The following PLAA variants were observed in gnomAD, a reference collection of about 807,000 sequenced individuals.
PLAA encodes phospholipase A-2-activating protein.
In PLAA, 48 loss-of-function variants were observed where a neutral mutation model predicts 84.1. The observed-to-expected ratio is 0.57, with a 90% CI of 0.45 to 0.73. The LOEUF is 0.73. PLAA is among the 30% of genes least tolerant of loss of function. The pLI is 0.00. For missense variants in PLAA, 903 were observed against 954.7 expected, an observed-to-expected ratio of 0.95 and a Z score of 0.71; for synonymous variants, 392 against 336.6, an observed-to-expected ratio of 1.16 and a Z score of -1.80.
chr9:26,942,500 C>G (rs1043189052), intron 1 of PLAA, among the ~76,000 whole-genome samples: 4 of 152,040 alleles, frequency 2.6e-5, no homozygotes, highest in Non-Finnish European at 5.9e-5. Context: ...AAATGAAAAC[C>G]AAAATAAAAC....
chr9:26,937,511 C>T (rs936891208), intron 1 of PLAA, among the ~76,000 whole-genome samples: 2 of 152,066 alleles, frequency 1.3e-5, no homozygotes, highest in African/African-American at 2.4e-5. Context: ...TACAAATAAA[C>T]AGAAAAGTAT....
chr9:26,942,877 CA>C (rs34134451), intron 1 of PLAA, among the ~76,000 whole-genome samples: 1,430 of 51,276 alleles, frequency 0.028, 5 homozygotes, highest in Admixed American at 0.045. Flanking sequence ...AGACTCGTCT[CA>C]AAAAAAAAAA....
intron 10 of PLAA, chr9:26,916,662 G>C (rs1241164652): frequency 1.0e-6 from 1 of 991,670 alleles, no homozygotes; most frequent in African/African-American, 1.7e-5. Context: ...TCTCGCCAGT[G>C]ATAGCACTCA....
At chr9:26,935,701 A>G (rs1177555487) in intron 1 of PLAA, among the ~76,000 whole-genome samples, 2 of 152,130 alleles carry the variant, frequency 1.3e-5, no homozygotes, top group Non-Finnish European at 2.9e-5. Flanking sequence ...AGGGGTGTCA[A>G]ATCTTTTGCC....
In PLAA at chr9:26,907,974, G is replaced by A; in HGVS notation, c.1682C>T (p.Thr561Ile). The A allele has an allele frequency of 6.3e-7, 1 of 1,588,170 alleles. No individual in the cohort carries two copies. Among genetic ancestry groups the A allele is most frequent in the Non-Finnish European group, 8.5e-7 (1 of 1,172,820 alleles). The change falls in exon 13 of 14, where the codon ACT becomes ATT. Residue 561 changes from threonine to isoleucine, a missense_variant. Physicochemically the swap from Thr to Ile is moderately conservative, Grantham distance 89 (BLOSUM62 -1). Coordinates refer to ENST00000397292, the MANE Select transcript of PLAA (RefSeq NM_001031689.3). ...ILGKLKELNG[T>I]APEEKKLTED... ...AGTTAACTTCTTCTCTTCAGGTGCA[G>A]TTCCATTAAGTTCCTTCAGTTTACC... is the stretch of plus-strand genomic sequence containing the variant.
intron 2 of PLAA, among the ~76,000 whole-genome samples, chr9:26,929,533 C>T (rs1206304919): frequency 2.0e-5 from 3 of 152,042 alleles, no homozygotes; most frequent in Non-Finnish European, 2.9e-5. Context: ...CATTGGCGGT[C>T]GAAGCACAGC....
At chr9:26,918,989 A>G (rs1005909263) in intron 9 of PLAA, among the ~76,000 whole-genome samples, 1 of 152,228 alleles carries the variant, frequency 6.6e-6, no homozygotes, top group African/African-American at 2.4e-5. Flanking sequence ...CATGTGAAAA[A>G]AAGATTTACT....
At position 26,919,486 on chromosome 9, in the gene PLAA, G is replaced by T; in HGVS notation, c.1241C>A (p.Pro414Gln). 1 of 1,609,082 alleles carries T rather than the reference G, an allele frequency of 6.2e-7. No individual in the cohort carries two copies. The change falls in exon 9 of 14, where the codon CCA becomes CAA. Residue 414 changes from proline to glutamine, a missense_variant. By Grantham distance (76) the Pro-to-Gln change is moderately conservative. Coordinates refer to ENST00000397292, the MANE Select transcript of PLAA (RefSeq NM_001031689.3). ...VFSIDVNEGGPSYKLPYNTSD... is the reference protein window; with the variant it reads ...VFSIDVNEGGQSYKLPYNTSD... The stretch of plus-strand genomic sequence containing the variant: ...GGTATTATATGGCAATTTATATGAT[G>T]GTCCACCTTCATTGACATCAATTGA...
chr9:26,928,097 T>C lies in PLAA; in HGVS notation c.565+3A>G, dbSNP rs1443135955. ...TTATAAAACTTGTCTACCCTGATCT[T>C]ACCTGAAAAAGTCCTCTCACATCTT... On this transcript the variant is annotated splice_donor_region_variant and intron_variant, in intron 4 of 13. Coordinates refer to ENST00000397292, the MANE Select transcript of PLAA (RefSeq NM_001031689.3). 6.2e-7 allele frequency: 1 copy of C among 1,612,228 alleles called. No homozygotes were observed. The highest frequency in any genetic ancestry group is 8.5e-7 in the Non-Finnish European group (1 of 1,179,558).
intron 1 of PLAA, among the ~76,000 whole-genome samples, chr9:26,943,534 CA>C (rs1265921414): frequency 6.6e-6 from 1 of 152,174 alleles, no homozygotes; most frequent in African/African-American, 2.4e-5. Context: ...GAAGTTGAAT[CA>C]GTGGTACTGA....
intron 4 of PLAA, 28 bp downstream of exon 4, chr9:26,928,072 T>A: frequency 6.3e-7 from 1 of 1,577,956 alleles, no homozygotes; most frequent in South Asian, 1.2e-5. Context: ...AGCAATGATA[T>A]TATAAAACTT....
chr9:26,917,961 C>G (rs1824618376), intron 9 of PLAA, among the ~76,000 whole-genome samples: 2 of 152,208 alleles, frequency 1.3e-5, no homozygotes, highest in South Asian at 4.1e-4. Context: ...TTACACAGTA[C>G]TACAATCTGT....
rs1455722084 is a variant in PLAA, at chr9:26,947,033, C to G, written c.13G>C (p.Ala5Pro). 2 of 1,584,582 alleles carry G rather than the reference C, an allele frequency of 1.3e-6. No individual in the cohort carries two copies. Among genetic ancestry groups the G allele is most frequent in the Non-Finnish European group, 1.7e-6 (2 of 1,166,100 alleles). Residue 5 changes from alanine to proline, a missense_variant, in exon 1 of 14, where the codon GCA (alanine) becomes CCA (proline). Transcript: ENST00000397292. MTSG[A>P]TRYRLSCSLR... ...GAGCAGCTCAGCCGGTACCTGGTTG[C>G]GCCGCTCGTCATGGCCAGTGTCTGT...
chr9:26,927,245 C>T (rs990449390), intron 4 of PLAA, among the ~76,000 whole-genome samples: 8 of 151,538 alleles, frequency 5.3e-5, no homozygotes, highest in Admixed American at 6.6e-5. Flanking sequence ...CTCAGCCTCC[C>T]GAATAGCTGG....
intron 1 of PLAA, among the ~76,000 whole-genome samples, chr9:26,944,075 G>T (rs994372004): frequency 1.3e-5 from 2 of 152,204 alleles, no homozygotes; most frequent in Non-Finnish European, 2.9e-5. Flanking sequence ...GAGGTGATTA[G>T]ATCAAGAGGG....
At chr9:26,914,597 G>C (rs905219613) in intron 10 of PLAA, among the ~76,000 whole-genome samples, 2 of 149,336 alleles carry the variant, frequency 1.3e-5, no homozygotes, top group African/African-American at 4.9e-5. Context: ...AAAAAAGTAA[G>C]ATTAATTAAA....
At chr9:26,929,319 C>T (rs559442497) in intron 2 of PLAA, among the ~76,000 whole-genome samples, 24 of 152,034 alleles carry the variant, frequency 1.6e-4, no homozygotes, top group African/African-American at 5.5e-4. Context: ...AGTGAGACTC[C>T]AGCTCTAAAA....
intron 1 of PLAA, among the ~76,000 whole-genome samples, chr9:26,942,391 T>C (rs984052197): frequency 2.6e-5 from 4 of 152,106 alleles, no homozygotes; most frequent in African/African-American, 7.2e-5. Flanking sequence ...GGAGAGGAAA[T>C]TGTAAAATAT....
At chr9:26,927,765 G>A (rs1825025069) in intron 4 of PLAA, among the ~76,000 whole-genome samples, 1 of 152,152 alleles carries the variant, frequency 6.6e-6, no homozygotes, top group Non-Finnish European at 1.5e-5. Context: ...TAAGGCTTAT[G>A]TTTAGAAGTT....
Sources: allele counts gnomAD v4.1 joint callset (sites outside exome capture counted in the v4.1 genomes callset), GRCh38; gene constraint gnomAD v4.1.1; transcripts MANE v1.5; gene names NCBI Gene and HGNC (gene_info 2026-07-23, HGNC 2026-07-21).